The following RUFY4 variants were observed in gnomAD, a reference collection of about 807,000 sequenced individuals.
RUFY4 encodes RUN and FYVE domain-containing protein 4.
In RUFY4, 73 loss-of-function variants were observed where a neutral mutation model predicts 69.0. That is an observed-to-expected ratio of 1.06 (90% CI 0.88 to 1.29). RUFY4 has a LOEUF of 1.29. Ranked by LOEUF, RUFY4 falls within the 50% of genes most tolerant of loss-of-function variation. RUFY4 has a pLI of 0.00. For synonymous variants in RUFY4, 287 were observed against 271.8 expected, an observed-to-expected ratio of 1.06 and a Z score of -0.55; for missense variants, 770 against 705.6, an observed-to-expected ratio of 1.09 and a Z score of -1.03.
intron 2 of RUFY4, among the ~76,000 whole-genome samples, chr2:218,045,906 G>A (rs890158422): frequency 1.3e-5 from 2 of 151,934 alleles, no homozygotes; most frequent in African/African-American, 4.8e-5. Flanking sequence ...CGGGGTTCGC[G>A]CCATTCTCCT....
At chr2:218,046,847 A>G (rs1216787750) in intron 2 of RUFY4, among the ~76,000 whole-genome samples, 1 of 152,142 alleles carries the variant, frequency 6.6e-6, no homozygotes, top group East Asian at 1.9e-4. Context: ...CTTTTGACAT[A>G]TTTCAGGGAC....
upstream of RUFY4, among the ~76,000 whole-genome samples, chr2:218,069,916 G>A (rs1689442147): frequency 6.6e-6 from 1 of 152,152 alleles, no homozygotes; most frequent in Admixed American, 6.5e-5. Context: ...TGGAGAGAAA[G>A]GCAGTATTAC....
At chr2:218,038,708 A>G (rs1959016511) in intron 2 of RUFY4, among the ~76,000 whole-genome samples, 1 of 152,170 alleles carries the variant, frequency 6.6e-6, no homozygotes. Flanking sequence ...TATTTTACAC[A>G]TAACATTTGC....
upstream of RUFY4, among the ~76,000 whole-genome samples, chr2:218,065,221 G>A (rs1056318078): frequency 3.3e-5 from 5 of 152,112 alleles, no homozygotes; most frequent in African/African-American, 1.2e-4. Context: ...CCTCTCCCTG[G>A]CCCACTGCAG....
At chr2:218,087,921 T>A (rs547645808) in intron 9 of RUFY4, among the ~76,000 whole-genome samples, 3 of 152,182 alleles carry the variant, frequency 2.0e-5, no homozygotes, top group East Asian at 3.9e-4. Context: ...AGGATGGTAA[T>A]AAATAAGCTA....
intron 9 of RUFY4, among the ~76,000 whole-genome samples, chr2:218,084,814 G>A (rs998611027): frequency 5.3e-5 from 8 of 152,182 alleles, no homozygotes; most frequent in African/African-American, 1.4e-4. Context: ...TTAGGAAGGT[G>A]AGGTGGATGA....
rs1574510102 is a variant in RUFY4, at chr2:218,072,872, T to A, written c.373T>A (p.Ser125Thr). ...GGCCCTGCAGCTTTGCCTCCTGAAC[T>A]CAGAGCTCACCAGGTGGGGCTGTTG... Residue 125 changes from serine to threonine, a missense_variant, in exon 4 of 11, where the codon TCA becomes ACA. Transcript: ENST00000344321. 5.2e-6 allele frequency: 8 copies of A among 1,532,654 alleles called. No individual in the cohort carries two copies. In the East Asian group the frequency reaches 2.0e-4, roughly 37 times the overall value. The allele number at this position is 1,532,654 out of a possible 1,614,324, so 94.9% of individuals were successfully genotyped here. A position where few individuals can be genotyped will look rare whatever the true frequency, so the allele number is the denominator to read the frequency against.
intron 3 of RUFY4, among the ~76,000 whole-genome samples, chr2:218,062,119 G>T (rs930261599): frequency 7.2e-5 from 11 of 152,312 alleles, no homozygotes; most frequent in African/African-American, 2.6e-4. Context: ...TGATAAGTGG[G>T]CCAGGCTCAG....
chr2:218,070,691 G>A (rs1367673327), intron 1 of RUFY4, 40 bp downstream of exon 3: 1 of 1,536,278 alleles, frequency 6.5e-7, no homozygotes, highest in East Asian at 2.4e-5. Flanking sequence ...CTGAGTCATG[G>A]GAGAAGTCAG....
intron 10 of RUFY4, 92 bp downstream of exon 12, chr2:218,089,454 G>A (rs1689978829): frequency 2.8e-6 from 3 of 1,059,116 alleles, no homozygotes; most frequent in Admixed American, 2.3e-5. Flanking sequence ...GAGGGACACA[G>A]GAACTGGGTG....
At chr2:218,058,553 A>G (rs1409812901) in intron 2 of RUFY4, 2 of 152,368 alleles carry the variant, frequency 1.3e-5, no homozygotes, top group African/African-American at 4.8e-5. Flanking sequence ...ATGATAAGAT[A>G]GAATTGTGTT....
intron 8 of RUFY4, among the ~76,000 whole-genome samples, chr2:218,081,112 T>G (rs1574516313): frequency 6.6e-6 from 1 of 152,248 alleles, no homozygotes; most frequent in South Asian, 2.1e-4. Context: ...GCTAGGAGTA[T>G]CCATCACCCC....
At chr2:218,041,194 C>T (rs1688689750) in intron 2 of RUFY4, among the ~76,000 whole-genome samples, 1 of 152,066 alleles carries the variant, frequency 6.6e-6, no homozygotes, top group Admixed American at 6.5e-5. Context: ...TCTCAAAGAC[C>T]TCTTTCTTGG....
rs1458027948 is a variant in RUFY4 at position 218,060,778 on chromosome 2, G to A, written c.-1071+2097G>A. On this transcript the variant is annotated intron_variant and NMD_transcript_variant, in intron 3 of 13. Transcript: ENST00000457754. Reference sequence around the variant, plus strand: ...GGCACGATGAAGCCAAAGGACTGGGGCAGGATCCGTAACAGCATCCACCAG... The same window carrying A: ...GGCACGATGAAGCCAAAGGACTGGGACAGGATCCGTAACAGCATCCACCAG... 3 of 1,571,660 alleles carry A rather than the reference G, an allele frequency of 1.9e-6. No individual in the cohort carries two copies. In the Admixed American group the frequency reaches 5.0e-5, roughly 26 times the overall value.
intron 2 of RUFY4, among the ~76,000 whole-genome samples, chr2:218,047,754 T>C (rs947188031): frequency 1.3e-5 from 2 of 152,212 alleles, no homozygotes; most frequent in Non-Finnish European, 2.9e-5. Context: ...TTATCTCTAG[T>C]TCCTCTTTAA....
chr2:218,077,791 AG>A (rs1486356020), intron 8 of RUFY4, among the ~76,000 whole-genome samples: 1 of 152,188 alleles, frequency 6.6e-6, no homozygotes, highest in Non-Finnish European at 1.5e-5. Flanking sequence ...AAGGACCCCC[AG>A]GCTCCTCCCA....
upstream of RUFY4, chr2:218,070,175 A>T (rs1247148135): frequency 4.3e-6 from 1 of 234,570 alleles, no homozygotes; most frequent in African/African-American, 2.2e-5. Context: ...CACTCACACC[A>T]AGTCAGGACC....
chr2:218,089,991 T>C, exon 11 of RUFY4: 4 of 1,569,404 alleles, frequency 2.5e-6, no homozygotes, highest in Non-Finnish European at 3.5e-6. Flanking sequence ...GCTCCATGGA[T>C]TACAAGAAGA....
At chr2:218,049,776 G>T (rs1287290762) in intron 2 of RUFY4, among the ~76,000 whole-genome samples, 1 of 152,184 alleles carries the variant, frequency 6.6e-6, no homozygotes, top group Non-Finnish European at 1.5e-5. Flanking sequence ...CCAAAGTGCT[G>T]AGATTACAGG....
Sources: allele counts gnomAD v4.1 joint callset (sites outside exome capture counted in the v4.1 genomes callset), GRCh38; gene constraint gnomAD v4.1.1; transcripts MANE v1.5; gene names NCBI Gene and HGNC (gene_info 2026-07-23, HGNC 2026-07-21).